FNDC3B: variants seen among roughly 807,000 people sequenced by gnomAD.
The protein encoded by FNDC3B is fibronectin type III domain-containing protein 3B.
In FNDC3B, 12 loss-of-function variants were observed where a neutral mutation model predicts 151.5. That is an observed-to-expected ratio of 0.08 (90% CI 0.05 to 0.13). FNDC3B has a LOEUF of 0.13. FNDC3B is among the 10% of genes least tolerant of loss of function. The pLI is 1.00. For missense variants in FNDC3B, 1,214 were observed against 1,505.3 expected, an observed-to-expected ratio of 0.81 and a Z score of 3.20; for synonymous variants, 528 against 549.0, an observed-to-expected ratio of 0.96 and a Z score of 0.54.
chr3:172,162,345 T>C (rs1722820936), intron 3 of FNDC3B, among the ~76,000 whole-genome samples: 1 of 152,208 alleles, frequency 6.6e-6, no homozygotes, highest in Non-Finnish European at 1.5e-5. Flanking sequence ...TGCCAGATAA[T>C]ATTCCAGCAT....
At chr3:172,294,792 A>C (rs1730510022) in intron 7 of FNDC3B, among the ~76,000 whole-genome samples, 1 of 152,190 alleles carries the variant, frequency 6.6e-6, no homozygotes, top group African/African-American at 2.4e-5. Flanking sequence ...CTTCGGTTCA[A>C]ATGAAATCTG....
chr3:172,066,400 T>C lies in FNDC3B; in HGVS notation c.-29+26629T>C, dbSNP rs1296627158. ...ATTCCTATTTTCCTGATGAGAAAACTGAGACTTTGGGAGGTAATATCTGCC... is the reference window on the plus strand; with the variant it reads ...ATTCCTATTTTCCTGATGAGAAAACCGAGACTTTGGGAGGTAATATCTGCC... On this transcript the variant is annotated intron_variant, in intron 1 of 25. Transcript: ENST00000415807. 4.6e-5 allele frequency among the ~76,000 whole-genome samples: 7 copies of C among 152,346 alleles called. No homozygotes were observed. The East Asian group carries it at 1.2e-3, about 25-fold the overall frequency.
chr3:172,360,285 C>T (rs757858946), intron 22 of FNDC3B, among the ~76,000 whole-genome samples: 29 of 152,044 alleles, frequency 1.9e-4, no homozygotes, highest in African/African-American at 2.9e-4. Flanking sequence ...TCTAGTCTTC[C>T]GCCCATTTTT....
At chr3:172,143,350 G>A (rs951072596) in intron 3 of FNDC3B, among the ~76,000 whole-genome samples, 6 of 152,110 alleles carry the variant, frequency 3.9e-5, no homozygotes, top group African/African-American at 1.4e-4. Flanking sequence ...AATGCATGAG[G>A]GAATCATTAT....
rs369658030 is a variant in FNDC3B, at chr3:172,400,987, A to G, written c.*3512A>G. 8.9e-5 allele frequency: 13 copies of G among 146,272 alleles called. No individual in the cohort carries two copies. In the East Asian group the frequency reaches 2.4e-3, roughly 27 times the overall value. The allele number at this position is 146,272 out of a possible 1,614,324, so 9.1% of individuals were successfully genotyped here. On this transcript the variant is annotated 3_prime_UTR_variant, in exon 26 of 26. Transcript: ENST00000415807. ...GCCCAGGCTGGAGTGCAGTGACCCA[A>G]TCTCGGCTCACTGCAAGCTCCACCT...
chr3:172,100,454 G>A (rs1719327347), intron 1 of FNDC3B, among the ~76,000 whole-genome samples: 1 of 152,142 alleles, frequency 6.6e-6, no homozygotes, highest in Non-Finnish European at 1.5e-5. Context: ...ATTCTCTGGT[G>A]TGCGACAGTT....
intron 3 of FNDC3B, among the ~76,000 whole-genome samples, chr3:172,193,662 A>T (rs1244129236): frequency 6.6e-6 from 1 of 151,470 alleles, no homozygotes; most frequent in Non-Finnish European, 1.5e-5. Flanking sequence ...GTCTGTCTGG[A>T]TTCACTTGGC....
intron 1 of FNDC3B, among the ~76,000 whole-genome samples, chr3:172,063,289 C>T (rs1453612488): frequency 6.6e-6 from 1 of 152,196 alleles, no homozygotes; most frequent in Non-Finnish European, 1.5e-5. Flanking sequence ...CCTACCTTTT[C>T]TTGTACATTG....
At chr3:172,388,231 CA>C (rs1735820643) in intron 25 of FNDC3B, among the ~76,000 whole-genome samples, 1 of 152,140 alleles carries the variant, frequency 6.6e-6, no homozygotes, top group African/African-American at 2.4e-5. Context: ...CCACCCTTCC[CA>C]AAAAGCTCCC....
intron 6 of FNDC3B, among the ~76,000 whole-genome samples, chr3:172,262,121 C>T (rs576959881): frequency 4.6e-5 from 7 of 152,214 alleles, no homozygotes; most frequent in Non-Finnish European, 7.4e-5. Context: ...AAGGAGCACA[C>T]AGTGGGCAGG....
rs527860094 is a variant in FNDC3B at position 172,186,924 on chromosome 3, G to A, written c.188-39947G>A. 4 of 530,510 alleles carry A rather than the reference G, an allele frequency of 7.5e-6. No homozygotes were observed. In the Admixed American group the frequency reaches 1.1e-4, roughly 14 times the overall value. 32.9% of individuals were successfully genotyped at this position (530,510 alleles called of 1,614,324 possible). On this transcript the variant is annotated intron_variant, in intron 3 of 25. Transcript: ENST00000415807. The stretch of plus-strand genomic sequence containing the variant: ...CAAAAGTAAAATTACCATCAACAAT[G>A]TGATTCAATTTTATTTTCTATACTA...
rs1215706450 is a variant in FNDC3B, at chr3:172,399,114, A to C, written c.*1639A>C. On this transcript the variant is annotated 3_prime_UTR_variant, in exon 26 of 26. Transcript: ENST00000415807. ...ACTAGCTTATAATATTCCCATACCA[A>C]AGTCATGGGGAAACAAACATTATTT... 1 of 152,616 alleles carries C rather than the reference A, an allele frequency of 6.6e-6. No individual in the cohort carries two copies. The highest frequency in any genetic ancestry group is 2.4e-5 in the African/African-American group (1 of 41,444). 9.5% of individuals were successfully genotyped at this position (152,616 alleles called of 1,614,324 possible). A position where few individuals can be genotyped will look rare whatever the true frequency, so the allele number is the denominator to read the frequency against.
chr3:172,345,495 G>T (rs1425926885), intron 19 of FNDC3B, among the ~76,000 whole-genome samples: 1 of 151,962 alleles, frequency 6.6e-6, no homozygotes, highest in Non-Finnish European at 1.5e-5. Flanking sequence ...CATATATATC[G>T]CTGTAGTCAC....
chr3:172,042,243 CGATG>C (rs1441683555), intron 1 of FNDC3B, among the ~76,000 whole-genome samples: 1 of 152,148 alleles, frequency 6.6e-6, no homozygotes. Context: ...TCACATCAGA[CGATG>C]GGTTATATTG....
intron 1 of FNDC3B, chr3:172,047,021 C>CTTTAA (rs1716401648): frequency 6.6e-6 from 1 of 152,172 alleles, no homozygotes; most frequent in Non-Finnish European, 1.5e-5. Flanking sequence ...CTGTGTTAGA[C>CTTTAA]TTTAAGGCTT....
At chr3:172,217,574 T>C (rs1280549707) in intron 3 of FNDC3B, among the ~76,000 whole-genome samples, 1 of 152,152 alleles carries the variant, frequency 6.6e-6, no homozygotes, top group Non-Finnish European at 1.5e-5. Context: ...GCACAATGAA[T>C]GTTGATTGAA....
chr3:172,355,713 C>T (rs1365954405), intron 22 of FNDC3B, among the ~76,000 whole-genome samples: 1 of 152,242 alleles, frequency 6.6e-6, no homozygotes, highest in Non-Finnish European at 1.5e-5. Flanking sequence ...GGGGCCTAAA[C>T]ATCATTACGT....
chr3:172,084,431 C>T (rs1363382822), intron 1 of FNDC3B, among the ~76,000 whole-genome samples: 1 of 144,340 alleles, frequency 6.9e-6, no homozygotes, highest in Admixed American at 6.9e-5. Flanking sequence ...AACCTGGTGA[C>T]AGAGTGAGAC....
intron 12 of FNDC3B, 157 bp from the exon 13 acceptor site, chr3:172,330,384 T>G: frequency 1.8e-6 from 1 of 544,956 alleles, no homozygotes. Flanking sequence ...AAGCTGAAGG[T>G]GGTTATAGGG....
Sources: allele counts gnomAD v4.1 joint callset (sites outside exome capture counted in the v4.1 genomes callset), GRCh38; gene constraint gnomAD v4.1.1; transcripts MANE v1.5; gene names NCBI Gene and HGNC (gene_info 2026-07-23, HGNC 2026-07-21).